Variants in GARS1 observed in about 807,000 individuals in gnomAD.
The protein encoded by GARS1 is glycine--tRNA ligase.
Under a neutral mutation model 86.4 loss-of-function variants are expected in GARS1, and 46 were observed. The ratio of observed to expected loss-of-function variants is 0.53; its 90% CI spans 0.42 to 0.68. GARS1 has a LOEUF of 0.68. Ranked by LOEUF, GARS1 falls within the 30% of genes least tolerant of loss-of-function variation. The pLI is 0.00. For missense variants in GARS1, 797 were observed against 915.6 expected (o/e 0.87, Z 1.67); for synonymous variants, 342 against 329.8 (o/e 1.04, Z -0.40).
At chr7:30,620,827 G>C (rs980902356) in intron 10 of GARS1, among the ~76,000 whole-genome samples, 1 of 152,134 alleles carries the variant, frequency 6.6e-6, no homozygotes, top group African/African-American at 2.4e-5. Flanking sequence ...CAAGTTGTGA[G>C]AACACTAGGT....
intron 1 of GARS1, 48 bp from the exon 2 acceptor site, chr7:30,598,748 C>T: frequency 2.7e-6 from 4 of 1,484,678 alleles, no homozygotes; most frequent in African/African-American, 1.4e-5. Flanking sequence ...CCTAACATTT[C>T]TTAACTTCTG....
intron 10 of GARS1, among the ~76,000 whole-genome samples, chr7:30,620,976 G>T (rs1418299317): frequency 6.6e-6 from 1 of 151,950 alleles, no homozygotes; most frequent in Non-Finnish European, 1.5e-5. Context: ...TTACCCCACA[G>T]ACTCAGTATA....
chr7:30,624,137 G>T (rs1359651806), intron 12 of GARS1, among the ~76,000 whole-genome samples: 6 of 151,920 alleles, frequency 3.9e-5, no homozygotes, highest in Non-Finnish European at 7.4e-5. Context: ...CATCAGCTGT[G>T]GTTAGTGTTA....
intron 14 of GARS1, among the ~76,000 whole-genome samples, chr7:30,628,917 C>A (rs1474748379): frequency 6.6e-6 from 1 of 152,118 alleles, no homozygotes; most frequent in African/African-American, 2.4e-5. Context: ...TTAGACTGAA[C>A]CTATTACTTT....
At chr7:30,603,211 A>G in intron 5 of GARS1, 89 bp downstream of exon 5, 1 of 1,114,836 alleles carries the variant, frequency 9.0e-7, no homozygotes, top group East Asian at 2.4e-5. Flanking sequence ...TTTTTTATTG[A>G]GGCATAACAT....
intron 13 of GARS1, chr7:30,627,176 C>G: frequency 2.4e-6 from 1 of 410,922 alleles, no homozygotes; most frequent in Non-Finnish European, 5.0e-6. Flanking sequence ...TGAGAAGCTA[C>G]TGCCAGTGGA....
intron 6 of GARS1, among the ~76,000 whole-genome samples, chr7:30,608,844 C>T (rs372371588): frequency 6.6e-6 from 1 of 152,050 alleles, no homozygotes; most frequent in African/African-American, 2.4e-5. Flanking sequence ...TTGGGAGATA[C>T]GCCAAGGTCT....
intron 12 of GARS1, among the ~76,000 whole-genome samples, chr7:30,624,858 G>A (rs1562781290): frequency 6.6e-6 from 1 of 152,118 alleles, no homozygotes; most frequent in Non-Finnish European, 1.5e-5. Context: ...AATGGACTAA[G>A]TTATATTACT....
At chr7:30,626,100 C>A in intron 12 of GARS1, 134 bp from the exon 13 acceptor site, 1 of 627,504 alleles carries the variant, frequency 1.6e-6, no homozygotes, top group Non-Finnish European at 2.9e-6. Flanking sequence ...TTAAATTTGA[C>A]ATCACTTATT....
Position 30,617,241 on chromosome 7 carries a change from C to G in GARS1, c.1322C>G (p.Ala441Gly). ...ATGGAGAATGAGATGGCCCATTATG[C>G]CTGTGACTGTTGGGATGCAGAATCC... is the stretch of plus-strand genomic sequence containing the variant. ...QHMENEMAHY[A>G]CDCWDAESKT... Residue 441 changes from alanine to glycine, a missense_variant, in exon 10 of 17, where the codon GCC becomes GGC. By Grantham distance (60) the Ala-to-Gly change is moderately conservative. Transcript: ENST00000389266. 6.2e-7 allele frequency: 1 copy of G among 1,613,956 alleles called. No homozygotes were observed. Among genetic ancestry groups the G allele is most frequent in the Non-Finnish European group, 8.5e-7 (1 of 1,179,864 alleles).
chr7:30,621,566 C>T, intron 11 of GARS1, 66 bp downstream of exon 11: 2 of 1,104,510 alleles, frequency 1.8e-6, no homozygotes, highest in African/African-American at 1.5e-5. Flanking sequence ...TGAATAAGTC[C>T]AAGTCTTTAC....
At chr7:30,633,341 G>A (rs905980731) in intron 16 of GARS1, among the ~76,000 whole-genome samples, 2 of 152,202 alleles carry the variant, frequency 1.3e-5, no homozygotes, top group African/African-American at 4.8e-5. Flanking sequence ...TGATTCTGAC[G>A]TGCACTCAAG....
chr7:30,611,007 G>T (rs1791588443), intron 7 of GARS1, among the ~76,000 whole-genome samples: 1 of 152,082 alleles, frequency 6.6e-6, no homozygotes, highest in African/African-American at 2.4e-5. Flanking sequence ...GTAAGAAGAG[G>T]GTACAATTTT....
Position 30,633,826 on chromosome 7 carries a change from A to C in GARS1, c.2186A>C (p.Gln729Pro). 6.2e-7 allele frequency: 1 copy of C among 1,613,764 alleles called. No individual in the cohort carries two copies. The stretch of plus-strand genomic sequence containing the variant: ...GCCAGGTATCCTCTGTTTGAAGGGC[A>C]AGAGACTGGTAAAAAAGAGACAATC... ...VEARYPLFEG[Q>P]ETGKKETIEE Residue 729 changes from glutamine (Q) to proline (P), a missense_variant, in exon 17 of 17, where the codon CAA (glutamine) becomes CCA (proline). Coordinates refer to ENST00000389266, the MANE Select transcript of GARS1 (RefSeq NM_002047.4).
chr7:30,607,301 T>C (rs2529441), intron 6 of GARS1, among the ~76,000 whole-genome samples: 107,310 of 151,994 alleles, frequency 0.71, 38,363 homozygotes, highest in Middle Eastern at 0.78. Flanking sequence ...CCAACCCAAA[T>C]GTCCATCAAT....
At chr7:30,601,263 A>T in intron 4 of GARS1, 63 bp downstream of exon 4, 1 of 1,349,106 alleles carries the variant, frequency 7.4e-7, no homozygotes, top group Non-Finnish European at 1.0e-6. Context: ...TAAATTATTT[A>T]ATATACTTAT....
At chr7:30,622,957 C>T (rs540451327) in intron 12 of GARS1, among the ~76,000 whole-genome samples, 9 of 151,870 alleles carry the variant, frequency 5.9e-5, no homozygotes, top group Admixed American at 2.0e-4. Flanking sequence ...AAAAATTGTC[C>T]GGGCATGGTG....
At position 30,600,002 on chromosome 7, in the gene GARS1, C is replaced by A. The variant is rs753665863; in HGVS notation, c.380C>A (p.Thr127Asn). 5.6e-6 allele frequency: 9 copies of A among 1,605,560 alleles called. No individual in the cohort carries two copies. The highest frequency in any genetic ancestry group is 4.5e-5 in the East Asian group (2 of 44,376). Reference sequence around the variant, plus strand: ...GTAGACCGAGCAAAAATGGAAGATACCCTGAAGAGGAGGTTTTTCTATGAT... The same window carrying A: ...GTAGACCGAGCAAAAATGGAAGATAACCTGAAGAGGAGGTTTTTCTATGAT... ...DIVDRAKMEDTLKRRFFYDQA... is the reference protein window; with the variant it reads ...DIVDRAKMEDNLKRRFFYDQA... The change falls in exon 3 of 17, where the codon ACC becomes AAC. Residue 127 changes from threonine to asparagine, a missense_variant. By Grantham distance (65) the Thr-to-Asn change is moderately conservative. Around this residue, in one of 2 missense-constraint regions of GARS1, gnomAD observed 199 missense variants for 176.9 expected, o/e 1.12. Coordinates refer to ENST00000389266, the MANE Select transcript of GARS1 (RefSeq NM_002047.4).
intron 8 of GARS1, 149 bp downstream of exon 8, chr7:30,612,394 T>C (rs1782778096): frequency 1.2e-6 from 1 of 831,218 alleles, no homozygotes. Flanking sequence ...ACATTTGGAA[T>C]CTCTAAATGT....
Sources: gnomAD v4.1 joint callset for allele counts (sites outside exome capture counted in the v4.1 genomes callset) on GRCh38, gnomAD v4.1.1 for gene constraint, gnomAD v4.1.1 regional missense constraint, MANE v1.5 for transcripts, NCBI Gene and HGNC (gene_info 2026-07-23, HGNC 2026-07-21) for gene names.